The following HHAT variants were observed in gnomAD, a reference collection of about 807,000 sequenced individuals.
The protein encoded by HHAT is protein-cysteine N-palmitoyltransferase HHAT.
A neutral mutation model predicts 70.8 loss-of-function variants in HHAT; 47 were observed. The ratio of observed to expected loss-of-function variants is 0.66; its 90% CI spans 0.53 to 0.85. The LOEUF (loss-of-function observed/expected upper bound fraction) is 0.85, where lower values mean the gene tolerates loss of function less well. Ranked by LOEUF, HHAT falls within the 40% of genes least tolerant of loss-of-function variation. The probability of loss-of-function intolerance (pLI) is 0.00; values close to 1 mark genes in which losing one functional copy is unlikely to be tolerated. For synonymous variants in HHAT, 228 were observed against 247.6 expected (o/e 0.92, Z 0.74); for missense variants, 609 against 604.8 (o/e 1.01, Z -0.07).
chr1:210,476,176 C>T (rs1334682663), intron 8 of HHAT, among the ~76,000 whole-genome samples: 1 of 152,200 alleles, frequency 6.6e-6, no homozygotes, highest in East Asian at 1.9e-4. Flanking sequence ...CCTGAGATTG[C>T]AGACGATTAC....
rs570006175 is a variant in HHAT, at chr1:210,467,108, G to T, written c.1007+2453G>T. Among the ~76,000 whole-genome samples the T allele has an allele frequency of 7.3e-4, 111 of 152,280 alleles. 1 individual carries two copies. In the South Asian group the frequency reaches 0.022, roughly 30 times the overall value. ...CCTAGCTTCTTTAGCATGCATAGGT[G>T]TAGGTTTTCCACTCCACATTTTTAG... is the stretch of plus-strand genomic sequence containing the variant. On this transcript the variant is annotated intron_variant, in intron 8 of 11. Transcript: ENST00000261458.
intron 11 of HHAT, among the ~76,000 whole-genome samples, chr1:210,668,559 A>G (rs111509673): frequency 0.037 from 5,587 of 152,224 alleles, 274 homozygotes; most frequent in African/African-American, 0.11. Context: ...TTCGCCTTCT[A>G]CCATGATTGT....
At chr1:210,455,672 T>TG (rs1415148588) in intron 7 of HHAT, among the ~76,000 whole-genome samples, 1 of 152,122 alleles carries the variant, frequency 6.6e-6, no homozygotes, top group Non-Finnish European at 1.5e-5. Flanking sequence ...ATCTGTAAAA[T>TG]GGGGAGTAAT....
At chr1:210,510,475 C>T (rs527856358) in intron 8 of HHAT, among the ~76,000 whole-genome samples, 5 of 152,118 alleles carry the variant, frequency 3.3e-5, no homozygotes, top group Non-Finnish European at 7.4e-5. Context: ...AGGAGGTGGG[C>T]GGCACCTGGG....
chr1:210,410,391 A>C (rs1409135024), intron 6 of HHAT, among the ~76,000 whole-genome samples: 5 of 150,706 alleles, frequency 3.3e-5, no homozygotes, highest in African/African-American at 1.2e-4. Flanking sequence ...ACTAGATTGC[A>C]GATGTAAATG....
intron 2 of HHAT, among the ~76,000 whole-genome samples, chr1:210,354,170 A>G (rs1391840558): frequency 6.8e-6 from 1 of 147,680 alleles, no homozygotes; most frequent in Non-Finnish European, 1.5e-5. Flanking sequence ...ATATTTTTTC[A>G]CAAATAGATA....
chr1:210,362,573 C>T (rs2088465480), intron 2 of HHAT, among the ~76,000 whole-genome samples: 2 of 152,206 alleles, frequency 1.3e-5, no homozygotes, highest in South Asian at 4.1e-4. Flanking sequence ...GTAACCCTTC[C>T]CATGTTTTCC....
At chr1:210,632,709 A>G (rs1671113783) in intron 11 of HHAT, among the ~76,000 whole-genome samples, 1 of 152,240 alleles carries the variant, frequency 6.6e-6, no homozygotes, top group Non-Finnish European at 1.5e-5. Context: ...GCTTTTCATT[A>G]AAAGGAAAAC....
At chr1:210,425,108 A>T (rs2093022522) in intron 7 of HHAT, among the ~76,000 whole-genome samples, 1 of 152,122 alleles carries the variant, frequency 6.6e-6, no homozygotes, top group Admixed American at 6.5e-5. Context: ...AGTGATGCTG[A>T]GCTTTTTTTT....
intron 9 of HHAT, among the ~76,000 whole-genome samples, chr1:210,526,541 C>G (rs951419501): frequency 3.9e-5 from 6 of 152,132 alleles, no homozygotes; most frequent in African/African-American, 1.4e-4. Context: ...ACAGAAGCAG[C>G]CTGTGGAATG....
At chr1:210,421,853 A>G (rs183328765) in intron 7 of HHAT, among the ~76,000 whole-genome samples, 1 of 152,214 alleles carries the variant, frequency 6.6e-6, no homozygotes, top group Admixed American at 6.5e-5. Context: ...AAAAAAAGTC[A>G]TATGTGTAGT....
chr1:210,550,466 T>A (rs149368631), intron 9 of HHAT, among the ~76,000 whole-genome samples: 1 of 149,146 alleles, frequency 6.7e-6, no homozygotes, highest in South Asian at 2.2e-4. Flanking sequence ...TAATACCTAC[T>A]TCAGGACTGC....
intron 7 of HHAT, among the ~76,000 whole-genome samples, chr1:210,458,357 C>G (rs923483010): frequency 6.6e-6 from 1 of 152,076 alleles, no homozygotes; most frequent in South Asian, 2.1e-4. Flanking sequence ...TGTTATGTGC[C>G]AGGCACTGGT....
At chr1:210,488,345 T>G (rs984354541) in intron 8 of HHAT, among the ~76,000 whole-genome samples, 4 of 152,198 alleles carry the variant, frequency 2.6e-5, no homozygotes, top group Admixed American at 6.5e-5. Flanking sequence ...ACCCCCTCAC[T>G]CTCCACTTTT....
intron 3 of HHAT, among the ~76,000 whole-genome samples, chr1:210,373,340 C>T (rs1424530940): frequency 1.3e-5 from 2 of 152,078 alleles, no homozygotes. Flanking sequence ...TTCCTTCTCT[C>T]AGTACATTTC....
At chr1:210,506,000 C>G (rs1401203994) in intron 8 of HHAT, among the ~76,000 whole-genome samples, 1 of 152,208 alleles carries the variant, frequency 6.6e-6, no homozygotes, top group East Asian at 1.9e-4. Context: ...AGTCCTGGAA[C>G]TGGCCATGGG....
At chr1:210,458,488 A>G (rs1171683098) in intron 7 of HHAT, among the ~76,000 whole-genome samples, 1 of 152,190 alleles carries the variant, frequency 6.6e-6, no homozygotes, top group Non-Finnish European at 1.5e-5. Flanking sequence ...CCATGTGACT[A>G]TTTTAGCTGG....
intron 9 of HHAT, among the ~76,000 whole-genome samples, chr1:210,577,559 C>T (rs185235504): frequency 1.5e-4 from 22 of 150,718 alleles, no homozygotes; most frequent in African/African-American, 4.9e-4. Context: ...ATTCTTTCAA[C>T]GTACTGTTGA....
At chr1:210,577,043 T>A (rs1657939120) in intron 9 of HHAT, among the ~76,000 whole-genome samples, 1 of 151,608 alleles carries the variant, frequency 6.6e-6, no homozygotes, top group African/African-American at 2.4e-5. Context: ...TACTTTTGTA[T>A]CCTCTGATTT....
Sources: gnomAD v4.1 joint callset for allele counts (sites outside exome capture counted in the v4.1 genomes callset) on GRCh38, gnomAD v4.1.1 for gene constraint, MANE v1.5 for transcripts, NCBI Gene and HGNC (gene_info 2026-07-23, HGNC 2026-07-21) for gene names.